Variants in COL8A1 observed in about 807,000 individuals in gnomAD.
COL8A1 encodes the protein collagen type VIII alpha 1 chain, also known as collagen alpha-1(VIII) chain.
A neutral mutation model predicts 42.7 loss-of-function variants in COL8A1; 21 were observed. The ratio of observed to expected loss-of-function variants is 0.49; its 90% CI spans 0.35 to 0.71. The LOEUF is 0.71. Ranked by LOEUF, COL8A1 falls within the 30% of genes least tolerant of loss-of-function variation. The probability of loss-of-function intolerance (pLI) is 0.01; values close to 1 mark genes in which losing one functional copy is unlikely to be tolerated. For synonymous variants in COL8A1, 367 were observed against 369.1 expected (o/e 0.99, Z 0.06); for missense variants, 788 against 962.4 (o/e 0.82, Z 2.40).
In COL8A1 at chr3:99,711,189, T is replaced by A. The variant is rs541670884; in HGVS notation, c.-128-33708T>A. Among the ~76,000 whole-genome samples the A allele has an allele frequency of 1.4e-4, 21 of 152,240 alleles. No individual in the cohort carries two copies. In the South Asian group the frequency reaches 4.3e-3, roughly 32 times the overall value. On this transcript the variant is annotated intron_variant, in intron 1 of 3. Coordinates refer to ENST00000652472, the MANE Select transcript of COL8A1 (RefSeq NM_020351.4). ...TCACCTCATTACCTCACATATGAAA[T>A]CACTTCCTTTTCTGGTTTAGAAGTA... is the stretch of plus-strand genomic sequence containing the variant.
chr3:99,771,815 A>G (rs1028109321), intron 2 of COL8A1, among the ~76,000 whole-genome samples: 1 of 152,180 alleles, frequency 6.6e-6, no homozygotes. Context: ...AGGTGTCCAT[A>G]TGGTGCCATA....
intron 1 of COL8A1, among the ~76,000 whole-genome samples, chr3:99,661,274 A>G (rs1041470447): frequency 6.6e-6 from 1 of 152,216 alleles, no homozygotes; most frequent in Non-Finnish European, 1.5e-5. Flanking sequence ...ACAAAAAGAA[A>G]CACAATTCAA....
In COL8A1 at chr3:99,795,884, C is replaced by T; in HGVS notation, c.1983C>T (p.Tyr661=). The change falls in exon 4 of 4, where the codon TAC becomes TAT. Residue 661 remains tyrosine (Y), a synonymous_variant. Transcript: ENST00000652472. Reference sequence around the variant, plus strand: ...TCACCTGTGAGGTCCCTGGTGTCTACTACTTTGCATACCACGTTCACTGCA... The same window carrying T: ...TCACCTGTGAGGTCCCTGGTGTCTATTACTTTGCATACCACGTTCACTGCA... ...GIFTCEVPGV[Y]YFAYHVHCKG... 1 of 1,614,182 alleles carries T rather than the reference C, an allele frequency of 6.2e-7. No individual in the cohort carries two copies. Among genetic ancestry groups the T allele is most frequent in the Non-Finnish European group, 8.5e-7 (1 of 1,180,028 alleles).
intron 1 of COL8A1, chr3:99,706,976 T>C (rs1279921073): frequency 6.6e-6 from 1 of 152,170 alleles, no homozygotes; most frequent in Non-Finnish European, 1.5e-5. Flanking sequence ...GCTCTCCTTG[T>C]TCTGAAAGGA....
At chr3:99,704,478 T>A (rs754224513) in intron 1 of COL8A1, among the ~76,000 whole-genome samples, 1 of 152,110 alleles carries the variant, frequency 6.6e-6, no homozygotes, top group Non-Finnish European at 1.5e-5. Context: ...TTGTTACATA[T>A]GTATACATGT....
At chr3:99,739,458 G>T (rs1045564652) in intron 1 of COL8A1, among the ~76,000 whole-genome samples, 3 of 152,156 alleles carry the variant, frequency 2.0e-5, no homozygotes, top group African/African-American at 7.2e-5. Flanking sequence ...TTCTCCATGA[G>T]GGCCTCGCCC....
intron 1 of COL8A1, among the ~76,000 whole-genome samples, chr3:99,698,140 A>G (rs1939433485): frequency 6.6e-6 from 1 of 152,236 alleles, no homozygotes; most frequent in Admixed American, 6.5e-5. Context: ...TGCAAAGGAC[A>G]GGAACTCATC....
intron 1 of COL8A1, among the ~76,000 whole-genome samples, chr3:99,690,299 TAATC>T (rs1939180074): frequency 6.6e-6 from 1 of 152,248 alleles, no homozygotes; most frequent in South Asian, 2.1e-4. Flanking sequence ...AAATATATAT[TAATC>T]AGTCAGTCCT....
chr3:99,650,802 T>C (rs1243702257), intron 1 of COL8A1, among the ~76,000 whole-genome samples: 2 of 152,244 alleles, frequency 1.3e-5, no homozygotes, highest in Admixed American at 6.5e-5. Context: ...TAACCACATG[T>C]GGCTAATGGA....
At chr3:99,724,039 A>G (rs528925202) in intron 1 of COL8A1, among the ~76,000 whole-genome samples, 4 of 152,262 alleles carry the variant, frequency 2.6e-5, no homozygotes, top group African/African-American at 9.6e-5. Context: ...CCTGAAGGTG[A>G]AGGATGGAGT....
At chr3:99,717,259 T>G (rs2107364717) in intron 1 of COL8A1, among the ~76,000 whole-genome samples, 3 of 152,146 alleles carry the variant, frequency 2.0e-5, no homozygotes, top group Admixed American at 2.0e-4. Flanking sequence ...TAACAAATAT[T>G]ACTCATTATA....
chr3:99,707,495 C>T (rs779866911), intron 1 of COL8A1, among the ~76,000 whole-genome samples: 5 of 152,180 alleles, frequency 3.3e-5, no homozygotes, highest in Non-Finnish European at 5.9e-5. Flanking sequence ...CTAGCCATCA[C>T]TCCCGAGGGA....
intron 1 of COL8A1, among the ~76,000 whole-genome samples, chr3:99,694,175 A>C (rs1246343540): frequency 6.6e-6 from 1 of 152,140 alleles, no homozygotes; most frequent in African/African-American, 2.4e-5. Context: ...TGTGACAGAT[A>C]ATTGTACTTA....
chr3:99,717,431 TAGAATAATCTAAGA>T (rs1450724817), intron 1 of COL8A1, among the ~76,000 whole-genome samples: 2 of 152,014 alleles, frequency 1.3e-5, no homozygotes, highest in African/African-American at 4.8e-5. Flanking sequence ...ACACACCACT[TAGAATAATCTAAGA>T]GAATCTAGGC....
intron 1 of COL8A1, among the ~76,000 whole-genome samples, chr3:99,713,193 G>A (rs895517138): frequency 5.3e-5 from 8 of 152,036 alleles, no homozygotes; most frequent in Admixed American, 3.3e-4. Flanking sequence ...GGAGGCTGAG[G>A]AACAGAGAAA....
chr3:99,748,067 G>A (rs914692915), intron 2 of COL8A1, among the ~76,000 whole-genome samples: 5 of 152,090 alleles, frequency 3.3e-5, no homozygotes, highest in African/African-American at 7.2e-5. Context: ...AATCTTCCCC[G>A]CAGCTTCCTG....
intron 1 of COL8A1, among the ~76,000 whole-genome samples, chr3:99,705,176 A>G (rs907722833): frequency 6.6e-6 from 1 of 152,064 alleles, no homozygotes; most frequent in African/African-American, 2.4e-5. Context: ...TAATTCAAAA[A>G]CCCAGTTTCC....
chr3:99,692,160 C>G (rs999014505), intron 1 of COL8A1, among the ~76,000 whole-genome samples: 5 of 152,138 alleles, frequency 3.3e-5, no homozygotes, highest in Non-Finnish European at 4.4e-5. Context: ...ACAACCACCA[C>G]CACCACCAAG....
At chr3:99,659,405 T>G (rs759112113) in intron 1 of COL8A1, among the ~76,000 whole-genome samples, 1 of 152,174 alleles carries the variant, frequency 6.6e-6, no homozygotes, top group South Asian at 2.1e-4. Flanking sequence ...AGATGAATAT[T>G]TAATCAGCAG....
Sources: gnomAD v4.1 joint callset for allele counts (sites outside exome capture counted in the v4.1 genomes callset) on GRCh38, gnomAD v4.1.1 for gene constraint, MANE v1.5 for transcripts, NCBI Gene and HGNC (gene_info 2026-07-23, HGNC 2026-07-21) for gene names.